The following ROBO1 variants were observed in gnomAD, a reference collection of about 807,000 sequenced individuals.
The protein encoded by ROBO1 is roundabout guidance receptor 1, also known as roundabout homolog 1.
In ROBO1, 149 loss-of-function variants were observed where a neutral mutation model predicts 195.9. The ratio of observed to expected loss-of-function variants is 0.76; its 90% CI spans 0.67 to 0.87. The LOEUF (loss-of-function observed/expected upper bound fraction) is 0.87, where lower values mean the gene tolerates loss of function less well. ROBO1 is among the 40% of genes least tolerant of loss of function. ROBO1 has a pLI of 0.00. For missense variants in ROBO1, 1,933 were observed against 2,068.3 expected (o/e 0.93, Z 1.27); for synonymous variants, 816 against 733.2 (o/e 1.11, Z -1.82).
chr3:79,584,247 A>G (rs1943746858), intron 2 of ROBO1, among the ~76,000 whole-genome samples: 1 of 102,434 alleles, frequency 9.8e-6, no homozygotes, highest in Admixed American at 9.8e-5. Flanking sequence ...TTACATAGGT[A>G]CATGTAATAT....
intron 2 of ROBO1, among the ~76,000 whole-genome samples, chr3:79,325,839 T>G (rs2034186097): frequency 6.6e-6 from 1 of 152,134 alleles, no homozygotes; most frequent in Admixed American, 6.5e-5. Context: ...ACAAGAGAGA[T>G]AACCTTAAAC....
At chr3:78,697,808 G>C (rs888818577) in intron 8 of ROBO1, among the ~76,000 whole-genome samples, 1 of 152,050 alleles carries the variant, frequency 6.6e-6, no homozygotes, top group Non-Finnish European at 1.5e-5. Flanking sequence ...TACAGTATTT[G>C]GGTCTAAAAT....
chr3:79,614,776 AT>A (rs1944767929), intron 1 of ROBO1, among the ~76,000 whole-genome samples: 1 of 151,906 alleles, frequency 6.6e-6, no homozygotes, highest in Non-Finnish European at 1.5e-5. Context: ...TTTTTCTCAA[AT>A]TGATCTATGA....
intron 24 of ROBO1, among the ~76,000 whole-genome samples, chr3:78,631,829 T>C (rs1415131003): frequency 6.6e-6 from 1 of 152,182 alleles, no homozygotes; most frequent in African/African-American, 2.4e-5. Context: ...GAATAACTGA[T>C]AGAACTAATG....
chr3:79,306,516 T>G (rs916968134), intron 2 of ROBO1, among the ~76,000 whole-genome samples: 1 of 152,242 alleles, frequency 6.6e-6, no homozygotes, highest in Non-Finnish European at 1.5e-5. Context: ...CGTTTTTTTG[T>G]TTTCTGTTTT....
At chr3:79,690,397 C>T (rs1947264799) in intron 1 of ROBO1, among the ~76,000 whole-genome samples, 1 of 151,890 alleles carries the variant, frequency 6.6e-6, no homozygotes, top group Admixed American at 6.6e-5. Flanking sequence ...TCAGCTTGCT[C>T]TGGAGGTCTT....
At chr3:79,291,020 T>C (rs1046460604) in intron 2 of ROBO1, among the ~76,000 whole-genome samples, 2 of 152,176 alleles carry the variant, frequency 1.3e-5, no homozygotes, top group Non-Finnish European at 2.9e-5. Context: ...TACTAAAAAA[T>C]GGATGCCTAC....
At chr3:79,580,343 G>A (rs1012315045) in intron 2 of ROBO1, among the ~76,000 whole-genome samples, 20 of 151,848 alleles carry the variant, frequency 1.3e-4, no homozygotes, top group Admixed American at 1.3e-4. Context: ...GCATGGTGGT[G>A]CACATCTGTA....
intron 3 of ROBO1, among the ~76,000 whole-genome samples, chr3:79,069,725 A>G (rs766133685): frequency 3.9e-5 from 6 of 151,926 alleles, no homozygotes; most frequent in Non-Finnish European, 8.8e-5. Flanking sequence ...CTTAGTAGTT[A>G]ATTTGGCTAA....
In ROBO1 at chr3:79,239,377, T is replaced by C. The variant is rs536414216; in HGVS notation, c.89-113838A>G. Among the ~76,000 whole-genome samples the C allele has an allele frequency of 3.9e-5, 6 of 152,326 alleles. No individual in the cohort carries two copies. The South Asian group carries it at 1.2e-3, about 32-fold the overall frequency. Reference sequence around the variant, plus strand: ...TAGTGAAAAATAAGCAAAGAATCACTATTCCCTGAACCCTGCTCTTGTACT... The same window carrying C: ...TAGTGAAAAATAAGCAAAGAATCACCATTCCCTGAACCCTGCTCTTGTACT... On this transcript the variant is annotated intron_variant, in intron 2 of 30. Coordinates refer to ENST00000464233, the MANE Select transcript of ROBO1 (RefSeq NM_002941.4).
chr3:78,960,800 ACACACACAC>A (rs2041301160), intron 3 of ROBO1, among the ~76,000 whole-genome samples: 1 of 147,044 alleles, frequency 6.8e-6, no homozygotes. Flanking sequence ...ACACACACAC[ACACACACAC>A]ACACACACAC....
intron 1 of ROBO1, among the ~76,000 whole-genome samples, chr3:79,704,786 C>G (rs1947718219): frequency 6.6e-6 from 1 of 152,060 alleles, no homozygotes; most frequent in Non-Finnish European, 1.5e-5. Flanking sequence ...GTGGCTACAT[C>G]ATTTTACTTT....
At chr3:79,699,373 T>TGTGCGCCTTCCACACAC (rs1947545371) in intron 1 of ROBO1, among the ~76,000 whole-genome samples, 1 of 151,586 alleles carries the variant, frequency 6.6e-6, no homozygotes, top group African/African-American at 2.4e-5. Flanking sequence ...CTTCCAGGTT[T>TGTGCGCCTTCCACACAC]GTCTGACATC....
At chr3:79,019,462 T>G (rs2078050582) in intron 3 of ROBO1, 16 of 986,274 alleles carry the variant, frequency 1.6e-5, no homozygotes, top group Non-Finnish European at 1.9e-5. Context: ...GCTCAATTGC[T>G]TGTGGGTTTC....
chr3:78,687,970 T>A (rs1370523491), intron 9 of ROBO1, among the ~76,000 whole-genome samples: 6 of 152,152 alleles, frequency 3.9e-5, no homozygotes, highest in African/African-American at 7.2e-5. Context: ...CATTAAGAGA[T>A]GAGACAAAAA....
At chr3:79,014,114 A>G (rs1231470671) in intron 3 of ROBO1, among the ~76,000 whole-genome samples, 2 of 152,180 alleles carry the variant, frequency 1.3e-5, no homozygotes, top group Non-Finnish European at 2.9e-5. Flanking sequence ...ACTGCAAACT[A>G]TCTAGTTCTT....
At chr3:79,748,079 G>T (rs889134296) in intron 1 of ROBO1, among the ~76,000 whole-genome samples, 4 of 151,884 alleles carry the variant, frequency 2.6e-5, no homozygotes, top group African/African-American at 9.7e-5. Flanking sequence ...TTAGATTAAA[G>T]TATATTGGTA....
chr3:78,848,334 C>T (rs1463024910), intron 4 of ROBO1, among the ~76,000 whole-genome samples: 1 of 152,024 alleles, frequency 6.6e-6, no homozygotes. Flanking sequence ...TACTGTTGCA[C>T]CAACCTAATA....
intron 3 of ROBO1, among the ~76,000 whole-genome samples, chr3:79,063,383 T>TAAAAAGAC (rs1370657563): frequency 4.6e-5 from 7 of 151,928 alleles, no homozygotes; most frequent in Non-Finnish European, 8.8e-5. Context: ...TGTTTCATCT[T>TAAAAAGAC]AAAAAGACAA....
Sources: allele counts gnomAD v4.1 joint callset (sites outside exome capture counted in the v4.1 genomes callset), GRCh38; gene constraint gnomAD v4.1.1; transcripts MANE v1.5; gene names NCBI Gene and HGNC (gene_info 2026-07-23, HGNC 2026-07-21).